The following RPL7L1 variants were observed in gnomAD, a reference collection of about 807,000 sequenced individuals.
RPL7L1 encodes ribosomal protein uL30-like.
RPL7L1 carries 20 observed loss-of-function variants against 30.3 expected under a neutral mutation model. The observed-to-expected ratio is 0.66, with a 90% confidence interval of 0.46 to 0.96. The LOEUF is 0.96. RPL7L1 is among the 40% of genes least tolerant of loss of function. The pLI is 0.00. For missense variants in RPL7L1, 271 were observed against 314.9 expected (o/e 0.86, Z 1.05); for synonymous variants, 107 against 110.1 (o/e 0.97, Z 0.18).
Position 42,879,835 on chromosome 6 carries a change from G to T in RPL7L1, c.-76G>T, listed in dbSNP as rs1766001773. On this transcript the variant is annotated 5_prime_UTR_variant, in exon 1 of 6. Transcript: ENST00000493763. ...TAAGTGAACGCTGACTGGTCCTCCA[G>T]CGTGAGCTAGAACAGACGTCTCTAT... 2 of 1,509,438 alleles carry T rather than the reference G, an allele frequency of 1.3e-6. No homozygotes were observed. The highest frequency in any genetic ancestry group is 3.3e-5 in the Admixed American group (2 of 59,736). 93.5% of individuals were successfully genotyped at this position (1,509,438 alleles called of 1,614,324 possible). A position where few individuals can be genotyped will look rare whatever the true frequency, so the allele number is the denominator to read the frequency against.
chr6:42,881,794 G>C (rs1028111235), intron 2 of RPL7L1: 3 of 151,730 alleles, frequency 2.0e-5, no homozygotes, highest in Admixed American at 6.6e-5. Context: ...GACTCACTCT[G>C]TCACCCAGGC....
chr6:42,886,855 G>T lies in RPL7L1; in HGVS notation c.*391G>T, dbSNP rs1441071254. The stretch of plus-strand genomic sequence containing the variant: ...CTAAAAATACAAAAATGAGCTGGGT[G>T]TGGTGGCGCGTGCCTGTAGTCCCAG... On this transcript the variant is annotated 3_prime_UTR_variant, in exon 6 of 6. Transcript: ENST00000493763. 1.6e-5 allele frequency: 3 copies of T among 187,020 alleles called. No homozygotes were observed. The East Asian group carries it at 4.0e-4, about 25-fold the overall frequency. 11.6% of individuals were successfully genotyped at this position (187,020 alleles called of 1,614,324 possible).
At chr6:42,883,137 C>G (rs1005984196) in intron 2 of RPL7L1, 9 of 205,180 alleles carry the variant, frequency 4.4e-5, no homozygotes, top group Admixed American at 1.6e-4. Context: ...TGGTTTATGT[C>G]TTCATTTAGC....
rs1766156467 is a variant in RPL7L1, at chr6:42,883,580, A to G, written c.277A>G (p.Lys93Glu). 1 of 1,601,336 alleles carries G rather than the reference A, an allele frequency of 6.2e-7. No individual in the cohort carries two copies. The highest frequency in any genetic ancestry group is 2.2e-5 in the East Asian group (1 of 44,798). ...ACCTCATGCCTTGGAATTGCCAGAT[A>G]AACATTCCTTGGCCTTTGTTGTACG... ...VKPHALELPDKHSLAFVVRIE... is the reference protein window; with the variant it reads ...VKPHALELPDEHSLAFVVRIE... The change falls in exon 3 of 6, where the codon AAA becomes GAA. Residue 93 changes from lysine to glutamate, a missense_variant. Physicochemically the swap from Lys to Glu is moderately conservative, Grantham distance 56. Coordinates refer to ENST00000493763, the MANE Select transcript of RPL7L1 (RefSeq NM_001366481.3).
chr6:42,883,873 A>C (rs552644207), intron 3 of RPL7L1: 2 of 227,158 alleles, frequency 8.8e-6, no homozygotes, highest in Non-Finnish European at 1.7e-5. Flanking sequence ...TCAACCTGAG[A>C]CCTGAAAGAT....
At position 42,887,429 on chromosome 6, in the gene RPL7L1, A is replaced by G. The variant is rs1337184145; in HGVS notation, c.*965A>G. On this transcript the variant is annotated 3_prime_UTR_variant, in exon 6 of 6. Transcript: ENST00000493763. ...GAAATGCCATCTCTACTAAAAATAC[A>G]AAAATTAGCCGGGCATGGTGGCACG... The G allele has an allele frequency of 6.6e-6, 1 of 151,982 alleles. No homozygotes were observed. Among genetic ancestry groups the G allele is most frequent in the Non-Finnish European group, 1.5e-5 (1 of 67,996 alleles). The allele number at this position is 151,982 out of a possible 1,614,324, so 9.4% of individuals were successfully genotyped here.
intron 2 of RPL7L1, chr6:42,882,653 AT>A (rs1417112304): frequency 6.6e-6 from 1 of 151,552 alleles, no homozygotes; most frequent in Non-Finnish European, 1.5e-5. Flanking sequence ...CATGCCTGTT[AT>A]CCCAGCACTT....
At position 42,883,601 on chromosome 6, in the gene RPL7L1, G is replaced by T. The variant is rs1342769153; in HGVS notation, c.298G>T (p.Val100Leu). Residue 100 changes from valine to leucine, a missense_variant, in exon 3 of 6, where the codon GTA (valine) becomes TTA (leucine). Physicochemically the swap from Val to Leu is conservative, Grantham distance 32. Transcript: ENST00000493763. ...AGATAAACATTCCTTGGCCTTTGTT[G>T]TACGCATCGAAAGGTAAGGAACTGG... ...LPDKHSLAFV[V>L]RIERIDGVSL... is the part of the protein sequence containing the mutation. The T allele has an allele frequency of 4.4e-6, 7 of 1,591,588 alleles. No homozygotes were observed. Among genetic ancestry groups the T allele is most frequent in the Non-Finnish European group, 6.0e-6 (7 of 1,171,738 alleles).
intron 2 of RPL7L1, chr6:42,881,247 C>CCT: frequency 9.9e-6 from 2 of 201,484 alleles, no homozygotes; most frequent in South Asian, 6.4e-5. Flanking sequence ...GGGCGTATCA[C>CCT]GAGGTCAGGA....
intron 2 of RPL7L1, chr6:42,882,152 C>T (rs1194786227): frequency 6.6e-6 from 1 of 152,158 alleles, no homozygotes; most frequent in African/African-American, 2.4e-5. Flanking sequence ...ACCCACCGGC[C>T]TTCCAAAGTG....
At chr6:42,881,024 C>T (rs950919866) in intron 2 of RPL7L1, 58 bp downstream of exon 2, 4 of 923,760 alleles carry the variant, frequency 4.3e-6, no homozygotes, top group East Asian at 2.4e-5. Context: ...AGTTTTATCC[C>T]GCATGTGTTG....
chr6:42,884,846 A>G (rs1192018682), intron 4 of RPL7L1, 96 bp downstream of exon 4: 4 of 1,260,492 alleles, frequency 3.2e-6, no homozygotes, highest in Non-Finnish European at 4.5e-6. Context: ...GTTGCTGTAG[A>G]AGGGACATTT....
chr6:42,885,870 AAGTG>A (rs1280863317), intron 4 of RPL7L1, 100 bp from the exon 5 acceptor site: 4 of 682,532 alleles, frequency 5.9e-6, no homozygotes, highest in African/African-American at 3.5e-5. Flanking sequence ...TCGTTGGGAG[AAGTG>A]AGTGTGTGGG....
intron 4 of RPL7L1, 52 bp downstream of exon 4, chr6:42,884,802 C>T: frequency 6.4e-7 from 1 of 1,556,944 alleles, no homozygotes; most frequent in Non-Finnish European, 8.8e-7. Context: ...TTGAGTGTGT[C>T]AGGGTGCACC....
Position 42,879,892 on chromosome 6 carries a change from C to A in RPL7L1, c.-19C>A. ...GTAAACAGAGCGTGTGCTGTCTTCC[C>A]CATGTGGTGGGGTTGCGCATGATCA... On this transcript the variant is annotated 5_prime_UTR_variant, in exon 1 of 6. Coordinates refer to ENST00000493763, the MANE Select transcript of RPL7L1 (RefSeq NM_001366481.3). The A allele has an allele frequency of 6.2e-7, 1 of 1,613,470 alleles. No homozygotes were observed. Among genetic ancestry groups the A allele is most frequent in the Non-Finnish European group, 8.5e-7 (1 of 1,179,712 alleles).
At chr6:42,880,309 T>A (rs965062738) in intron 1 of RPL7L1, among the ~76,000 whole-genome samples, 1 of 152,120 alleles carries the variant, frequency 6.6e-6, no homozygotes, top group Non-Finnish European at 1.5e-5. Context: ...CCCTGTTAAC[T>A]TATACGAACC....
At chr6:42,885,410 G>A (rs566567422) in intron 4 of RPL7L1, among the ~76,000 whole-genome samples, 14 of 150,824 alleles carry the variant, frequency 9.3e-5, no homozygotes, top group Non-Finnish European at 1.9e-4. Flanking sequence ...GTGAAACCCC[G>A]TCTCTACTAA....
intron 1 of RPL7L1, chr6:42,880,647 G>T: frequency 5.1e-6 from 2 of 395,464 alleles, no homozygotes; most frequent in Non-Finnish European, 4.6e-6. Context: ...CGAGTAGCTG[G>T]GATTACAGGC....
In RPL7L1 at chr6:42,884,067, C is replaced by G. The variant is rs536831564; in HGVS notation, c.311+453C>G. 44 of 155,888 alleles carry G rather than the reference C, an allele frequency of 2.8e-4. No homozygotes were observed. The East Asian group carries it at 6.3e-3, about 22-fold the overall frequency. The allele number at this position is 155,888 out of a possible 1,614,324, so 9.7% of individuals were successfully genotyped here. A position where few individuals can be genotyped will look rare whatever the true frequency, so the allele number is the denominator to read the frequency against. On this transcript the variant is annotated intron_variant, in intron 3 of 5. Coordinates refer to ENST00000493763, the MANE Select transcript of RPL7L1 (RefSeq NM_001366481.3). ...CCCAACCCCCTGCCCACCCCATGTA[C>G]AACTCTACTTCTTGCTGTTTCCCCT... is the stretch of plus-strand genomic sequence containing the variant.
Sources: gnomAD v4.1 joint callset for allele counts (sites outside exome capture counted in the v4.1 genomes callset) on GRCh38, gnomAD v4.1.1 for gene constraint, MANE v1.5 for transcripts, NCBI Gene and HGNC (gene_info 2026-07-23, HGNC 2026-07-21) for gene names.